Variants in S1PR2 observed in about 807,000 individuals in gnomAD.
S1PR2 encodes sphingosine-1-phosphate receptor 2, also known as sphingosine 1-phosphate receptor 2.
In S1PR2, 9 loss-of-function variants were observed where a neutral mutation model predicts 16.1. The observed-to-expected ratio is 0.56, with a 90% CI of 0.34 to 0.98. The LOEUF (loss-of-function observed/expected upper bound fraction) is 0.98, where lower values mean the gene tolerates loss of function less well. Among genes scored for constraint, S1PR2 ranks in the 50% least tolerant of loss-of-function variants. The probability of loss-of-function intolerance (pLI) is 0.02; values close to 1 mark genes in which losing one functional copy is unlikely to be tolerated. For missense variants in S1PR2, 361 were observed against 488.4 expected, an observed-to-expected ratio of 0.74 and a Z score of 2.46; for synonymous variants, 224 against 233.9, an observed-to-expected ratio of 0.96 and a Z score of 0.38.
chr19:10,230,483 C>A (rs2039666152), intron 1 of S1PR2: 1 of 154,686 alleles, frequency 6.5e-6, no homozygotes, highest in Middle Eastern at 5.2e-4. Context: ...GGGCCCGGAG[C>A]ATCTGACAAG....
chr19:10,227,177 C>T (rs937909639), intron 1 of S1PR2, among the ~76,000 whole-genome samples: 29 of 151,456 alleles, frequency 1.9e-4, no homozygotes, highest in African/African-American at 7.0e-4. Flanking sequence ...CCAGCCTTAG[C>T]TAAATGGGAG....
At chr19:10,230,980 C>T (rs2145447743) in intron 1 of S1PR2, among the ~76,000 whole-genome samples, 1 of 152,368 alleles carries the variant, frequency 6.6e-6, no homozygotes, top group African/African-American at 2.4e-5. Flanking sequence ...CAACTTCCTG[C>T]CGCTGAGAAA....
chr19:10,225,511 C>T (rs2039628489), intron 1 of S1PR2, among the ~76,000 whole-genome samples: 3 of 150,498 alleles, frequency 2.0e-5, no homozygotes, highest in Non-Finnish European at 4.4e-5. Context: ...ATTCTCCTGC[C>T]TCAGCTTCCT....
chr19:10,228,658 C>T (rs890950089), intron 1 of S1PR2, among the ~76,000 whole-genome samples: 6 of 152,232 alleles, frequency 3.9e-5, no homozygotes, highest in Admixed American at 1.3e-4. Flanking sequence ...CCCATGTCCC[C>T]TCCCTGTGTA....
rs2039607739 is a variant in S1PR2 at position 10,223,579 on chromosome 19, G to T, written c.*265C>A. Reference sequence around the variant, plus strand: ...CCTGCCCTCACCCTGGCTCTTCACAGGTCCCCTGCCCTGGCCTCCCCAGGA... The same window carrying T: ...CCTGCCCTCACCCTGGCTCTTCACATGTCCCCTGCCCTGGCCTCCCCAGGA... On this transcript the variant is annotated 3_prime_UTR_variant, in exon 2 of 2. Coordinates refer to ENST00000646641, the MANE Select transcript of S1PR2 (RefSeq NM_004230.4). The T allele has an allele frequency of 4.5e-6, 2 of 445,110 alleles. No individual in the cohort carries two copies. The highest frequency in any genetic ancestry group is 7.9e-6 in the Non-Finnish European group (2 of 253,634). 27.6% of individuals were successfully genotyped at this position (445,110 alleles called of 1,614,324 possible).
intron 1 of S1PR2, among the ~76,000 whole-genome samples, chr19:10,230,205 T>C (rs2039662362): frequency 6.6e-6 from 1 of 152,264 alleles, no homozygotes; most frequent in African/African-American, 2.4e-5. Context: ...ACTCTCGGCC[T>C]CCTTATCTGG....
At chr19:10,231,022 G>A (rs1356954225) in intron 1 of S1PR2, among the ~76,000 whole-genome samples, 182 bp downstream of exon 1, 2 of 152,240 alleles carry the variant, frequency 1.3e-5, no homozygotes, top group African/African-American at 4.8e-5. Flanking sequence ...GTTCGCGGCC[G>A]AGGCAGTGGG....
At chr19:10,226,017 A>C (rs904090069) in intron 1 of S1PR2, among the ~76,000 whole-genome samples, 2 of 148,764 alleles carry the variant, frequency 1.3e-5, no homozygotes, top group African/African-American at 4.9e-5. Context: ...AATGGCATGA[A>C]AAATATAATG....
intron 1 of S1PR2, among the ~76,000 whole-genome samples, chr19:10,230,763 G>A (rs567741812): frequency 6.6e-6 from 1 of 152,346 alleles, no homozygotes; most frequent in African/African-American, 2.4e-5. Context: ...AAAGCCCGAC[G>A]TCCGACCGCC....
intron 1 of S1PR2, among the ~76,000 whole-genome samples, chr19:10,230,142 C>A (rs528133889): frequency 3.5e-4 from 54 of 152,362 alleles, no homozygotes; most frequent in Non-Finnish European, 6.9e-4. Context: ...CCAGGCAAAG[C>A]CCAGCGTGTC....
chr19:10,229,068 G>A (rs1305770192), intron 1 of S1PR2, among the ~76,000 whole-genome samples: 7 of 152,068 alleles, frequency 4.6e-5, no homozygotes, highest in African/African-American at 1.7e-4. Context: ...GCAGCCAGGG[G>A]GAGCTTTTAA....
At chr19:10,228,892 G>A (rs2039652257) in intron 1 of S1PR2, among the ~76,000 whole-genome samples, 1 of 152,146 alleles carries the variant, frequency 6.6e-6, no homozygotes, top group Non-Finnish European at 1.5e-5. Flanking sequence ...GAAGGATGGA[G>A]GAAGCCTCAG....
chr19:10,226,121 C>T (rs370768731), intron 1 of S1PR2, among the ~76,000 whole-genome samples: 5 of 152,226 alleles, frequency 3.3e-5, no homozygotes, highest in African/African-American at 7.2e-5. Context: ...CAGGCGCCTG[C>T]GCCCTCATGC....
At position 10,224,739 on chromosome 19, in the gene S1PR2, A is replaced by G; in HGVS notation, c.167T>C (p.Ile56Thr). Residue 56 changes from isoleucine (I) to threonine (T), a missense_variant, in exon 2 of 2, where the codon ATT (isoleucine) becomes ACT (threonine). Coordinates refer to ENST00000646641, the MANE Select transcript of S1PR2 (RefSeq NM_004230.4). ...GAACTTGCTGTTTCGGGCCACCGCA[A>G]TGAGCACCAGAAGGTTTTCCACCAC... The part of the protein sequence containing the change: ...AIVVENLLVL[I>T]AVARNSKFHS... 2 of 1,614,250 alleles carry G rather than the reference A, an allele frequency of 1.2e-6. No homozygotes were observed. Among genetic ancestry groups the G allele is most frequent in the Non-Finnish European group, 8.5e-7 (1 of 1,180,048 alleles).
Position 10,224,626 on chromosome 19 carries a change from CA to C in S1PR2, c.279del (p.Gly94AlafsTer5), listed in dbSNP as rs1355018813. The C allele has an allele frequency of 6.2e-7, 1 of 1,614,086 alleles. No individual in the cohort carries two copies. The highest frequency in any genetic ancestry group is 1.1e-5 in the South Asian group (1 of 91,088). On this transcript the variant is annotated frameshift_variant, in exon 2 of 2. Transcript: ENST00000646641. LOFTEE classifies it high-confidence loss of function. The stretch of plus-strand genomic sequence containing the variant: ...GGCGTCAGCCTCAGCGTGACAGAGC[CA>C]GAGAGCAAGGTATTGGCTACGAAGG... The part of the protein sequence containing the change: ...GVAFVANTLL[S>X]GSVTLRLTPV...
At position 10,224,867 on chromosome 19, in the gene S1PR2, C is replaced by T; in HGVS notation, c.39G>A (p.Lys13=). The T allele has an allele frequency of 6.2e-7, 1 of 1,613,418 alleles. No individual in the cohort carries two copies. The highest frequency in any genetic ancestry group is 8.5e-7 in the Non-Finnish European group (1 of 1,179,988). The part of the protein sequence containing the change: ...SLYSEYLNPN[K]VQEHYNYTKE... ...TGGTATAATTATAGTGTTCCTGGAC[C>T]TTGTTGGGGTTCAGGTACTCCGAGT... The change falls in exon 2 of 2, where the codon AAG becomes AAA. Residue 13 remains lysine (K), a synonymous_variant. Transcript: ENST00000646641.
At chr19:10,225,538 G>A (rs1280668875) in intron 1 of S1PR2, among the ~76,000 whole-genome samples, 1 of 150,898 alleles carries the variant, frequency 6.6e-6, no homozygotes, top group Admixed American at 6.6e-5. Flanking sequence ...CTGGGATTAC[G>A]GGCACCTGCC....
chr19:10,225,105 G>A (rs2039624253), intron 1 of S1PR2, among the ~76,000 whole-genome samples, 158 bp from the exon 2 acceptor site: 1 of 152,130 alleles, frequency 6.6e-6, no homozygotes, highest in Non-Finnish European at 1.5e-5. Context: ...ACTTACAGAC[G>A]GGAAACCCAG....
In S1PR2 at chr19:10,223,848, A is replaced by G. The variant is rs757477621; in HGVS notation, c.1058T>C (p.Val353Ala). The change falls in exon 2 of 2, where the codon GTC (valine) becomes GCC (alanine). Residue 353 changes from valine to alanine, a missense_variant. Transcript: ENST00000646641. ...GTTGTTGGTCCACCCCCACCCTCAGACCACCGTGTTGCCCTCCAGAAACGT... is the reference window on the plus strand; with the variant it reads ...GTTGTTGGTCCACCCCCACCCTCAGGCCACCGTGTTGCCCTCCAGAAACGT... ...SPTFLEGNTV[V>A] The G allele has an allele frequency of 5.9e-6, 9 of 1,529,986 alleles. No homozygotes were observed. In the South Asian group the frequency reaches 9.0e-5, roughly 15 times the overall value. 94.8% of individuals were successfully genotyped at this position (1,529,986 alleles called of 1,614,324 possible). A position where few individuals can be genotyped will look rare whatever the true frequency, so the allele number is the denominator to read the frequency against.
Sources: gnomAD v4.1 joint callset for allele counts (sites outside exome capture counted in the v4.1 genomes callset) on GRCh38, gnomAD v4.1.1 for gene constraint, MANE v1.5 for transcripts, NCBI Gene and HGNC (gene_info 2026-07-23, HGNC 2026-07-21) for gene names.